Variants in ATR observed in about 807,000 individuals in gnomAD.
ATR encodes serine/threonine-protein kinase ATR.
In ATR, 142 loss-of-function variants were observed where a neutral mutation model predicts 305.3. The ratio of observed to expected loss-of-function variants is 0.47; its 90% confidence interval spans 0.41 to 0.53. The LOEUF is 0.53. Among genes scored for constraint, ATR ranks in the 20% least tolerant of loss-of-function variants. The pLI is 0.00. For missense variants in ATR, 2,135 were observed against 3,133.1 expected, an observed-to-expected ratio of 0.68 and a Z score of 7.60; for synonymous variants, 1,050 against 1,068.1, an observed-to-expected ratio of 0.98 and a Z score of 0.33.
intron 40 of ATR, among the ~76,000 whole-genome samples, chr3:142,466,051 GA>G (rs1324781138): frequency 1.3e-5 from 2 of 150,566 alleles, no homozygotes; most frequent in African/African-American, 2.4e-5. Context: ...ATCAAATTGT[GA>G]AAAAATAAAG....
chr3:142,522,622 T>C, intron 23 of ATR, 106 bp downstream of exon 23: 1 of 977,852 alleles, frequency 1.0e-6, no homozygotes, highest in Non-Finnish European at 1.6e-6. Flanking sequence ...ATAACTTTGA[T>C]AAAAGTGAGA....
In ATR at chr3:142,541,132, GTCA is replaced by G. The variant is rs1383324455; in HGVS notation, c.3451-101_3451-99del. On this transcript the variant is annotated intron_variant, in intron 17 of 46. Coordinates refer to ENST00000350721, the MANE Select transcript of ATR (RefSeq NM_001184.4). The stretch of plus-strand genomic sequence containing the variant: ...AGTGCTTCCCACCCAGTATCAGGGT[GTCA>G]TCTATTCTCAGATAATACAAAAGAT... The G allele has an allele frequency of 2.6e-5, 38 of 1,436,652 alleles. No individual in the cohort carries two copies. The African/African-American group carries it at 5.1e-4, about 19-fold the overall frequency. 89.0% of individuals were successfully genotyped at this position (1,436,652 alleles called of 1,614,324 possible). A position where few individuals can be genotyped will look rare whatever the true frequency, so the allele number is the denominator to read the frequency against.
chr3:142,466,553 A>G lies in ATR; in HGVS notation c.6688-20T>C, dbSNP rs1368909023. ...ATCAACCTGAAAAAATAAATAGTGC[A>G]TTTTAATTTGTTTTTACCTTAAATT... is the stretch of plus-strand genomic sequence containing the variant. On this transcript the variant is annotated intron_variant, in intron 39 of 46. Transcript: ENST00000350721. The G allele has an allele frequency of 1.9e-6, 3 of 1,597,776 alleles. No homozygotes were observed. Among genetic ancestry groups the G allele is most frequent in the Admixed American group, 1.7e-5 (1 of 59,136 alleles).
At chr3:142,520,510 T>C (rs1454393150) in intron 23 of ATR, among the ~76,000 whole-genome samples, 1 of 152,126 alleles carries the variant, frequency 6.6e-6, no homozygotes, top group African/African-American at 2.4e-5. Flanking sequence ...ATACATCAAA[T>C]ATAAGAAAGA....
At position 142,560,222 on chromosome 3, in the gene ATR, T is replaced by C. The variant is rs774685182; in HGVS notation, c.1541+41A>G. Reference sequence around the variant, plus strand: ...GAGTAAACAGTAAATCCAAGTTCATTACAGGAAACCCAACCCCAAGAAACA... The same window carrying C: ...GAGTAAACAGTAAATCCAAGTTCATCACAGGAAACCCAACCCCAAGAAACA... On this transcript the variant is annotated intron_variant, in intron 6 of 46. Transcript: ENST00000350721. 3.8e-6 allele frequency: 6 copies of C among 1,580,546 alleles called. No homozygotes were observed. The South Asian group carries it at 4.4e-5, about 12-fold the overall frequency.
chr3:142,553,765 A>G (rs778669801), intron 11 of ATR, 25 bp from the exon 12 acceptor site: 1 of 1,610,124 alleles, frequency 6.2e-7, no homozygotes, highest in Non-Finnish European at 8.5e-7. Flanking sequence ...TTAACTGGTT[A>G]AAGAAATTTT....
At chr3:142,575,891 C>T (rs2108508877) in intron 1 of ATR, among the ~76,000 whole-genome samples, 1 of 152,286 alleles carries the variant, frequency 6.6e-6, no homozygotes, top group South Asian at 2.1e-4. Context: ...TTATGTAGAA[C>T]CTTAGAGGCC....
Position 142,553,870 on chromosome 3 carries a change from C to T in ATR, c.2487G>A (p.Lys829=), listed in dbSNP as rs1387074605. Residue 829 remains lysine (K), a synonymous_variant, in exon 11 of 47, where the codon AAG becomes AAA. Transcript: ENST00000350721. ...CAGAGTCCAAGGATTCCAATATGTGCTTGATATTTCCACTAAAAGCCACTC... is the reference window on the plus strand; with the variant it reads ...CAGAGTCCAAGGATTCCAATATGTGTTTGATATTTCCACTAAAAGCCACTC... ...DVRVAFSGNI[K]HILESLDSED... 1.9e-6 allele frequency: 3 copies of T among 1,613,480 alleles called. No homozygotes were observed. The Admixed American group carries it at 5.0e-5, about 27-fold the overall frequency.
At chr3:142,461,045 T>A (rs576606336) in intron 42 of ATR, among the ~76,000 whole-genome samples, 29 of 152,322 alleles carry the variant, frequency 1.9e-4, no homozygotes, top group Non-Finnish European at 2.9e-4. Flanking sequence ...TTAGTTGTCA[T>A]CAAATGTCAA....
chr3:142,567,866 G>T (rs1469077880), intron 2 of ATR, among the ~76,000 whole-genome samples, 197 bp downstream of exon 2: 5 of 152,102 alleles, frequency 3.3e-5, no homozygotes, highest in Admixed American at 2.6e-4. Context: ...CAGGAAAAGA[G>T]AATTATTTTA....
chr3:142,459,189 T>C (rs1011313917), intron 43 of ATR, 38 bp downstream of exon 43: 1 of 1,613,258 alleles, frequency 6.2e-7, no homozygotes, highest in Non-Finnish European at 8.5e-7. Flanking sequence ...AAAATAAACA[T>C]TCAACCATAA....
rs398123602 is a variant in ATR, at chr3:142,513,633, T to A, written c.4509A>T (p.Arg1503=). 1.2e-6 allele frequency: 2 copies of A among 1,613,696 alleles called. No homozygotes were observed. The highest frequency in any genetic ancestry group is 3.3e-5 in the Admixed American group (2 of 60,018). ...TGAAAATTTTACTGGCAAGATCATG[T>A]CGAACCTGTAAATGCAAAATGTGTA... ...SWAGYLITKV[R]HDLASKIFTC... The change falls in exon 26 of 47, where the codon CGA becomes CGT. Residue 1503 remains arginine (R), a synonymous_variant. Transcript: ENST00000350721.
intron 46 of ATR, chr3:142,452,919 T>G: frequency 1.4e-6 from 2 of 1,403,258 alleles, no homozygotes; most frequent in South Asian, 1.5e-5. Context: ...GAACTTTTAT[T>G]ATACAAATGC....
intron 25 of ATR, 50 bp downstream of exon 25, chr3:142,515,345 G>A: frequency 6.2e-7 from 1 of 1,605,744 alleles, no homozygotes; most frequent in East Asian, 2.2e-5. Context: ...AGATGTTCTG[G>A]TTTCCTTTAG....
chr3:142,519,580 G>T (rs895282757), intron 24 of ATR, 89 bp downstream of exon 24: 3 of 1,047,926 alleles, frequency 2.9e-6, no homozygotes, highest in Non-Finnish European at 4.3e-6. Flanking sequence ...GATTACAGGC[G>T]TGAGCCACTG....
intron 30 of ATR, 100 bp from the exon 31 acceptor site, chr3:142,499,818 AT>A (rs1183392658): frequency 4.2e-6 from 4 of 942,244 alleles, no homozygotes; most frequent in Non-Finnish European, 6.6e-6. Context: ...TATTTATTGA[AT>A]TTGCATTATA....
chr3:142,495,915 A>G (rs1016477380), intron 34 of ATR, among the ~76,000 whole-genome samples: 1 of 152,062 alleles, frequency 6.6e-6, no homozygotes, highest in African/African-American at 2.4e-5. Context: ...TCAGAGCTGA[A>G]TATTTACAGT....
Position 142,454,437 on chromosome 3 carries a change from C to CTTTTTTTTTT in ATR, c.7656-1214_7656-1205dup, listed in dbSNP as rs760823609. ...TTCTACCATAATGTCTGATAGACAG[C>CTTTTTTTTTT]TTTTTTTTTTTTTTTTTTTTTTTGA... On this transcript the variant is annotated intron_variant, in intron 45 of 46. Coordinates refer to ENST00000350721, the MANE Select transcript of ATR (RefSeq NM_001184.4). Among the ~76,000 whole-genome samples, 873 of 101,464 alleles carry CTTTTTTTTTT rather than the reference C, an allele frequency of 8.6e-3. 52 individuals carry two copies. The highest frequency in any genetic ancestry group is 0.041 in the African/African-American group (831 of 20,110). 66.6% of individuals were successfully genotyped at this position (101,464 alleles called of 152,430 possible). A position where few individuals can be genotyped will look rare whatever the true frequency, so the allele number is the denominator to read the frequency against.
intron 46 of ATR, chr3:142,450,399 G>T (rs2070763095): frequency 1.9e-6 from 3 of 1,560,360 alleles, no homozygotes; most frequent in Non-Finnish European, 2.6e-6. Context: ...AAATGGGGCT[G>T]CTGTCTTCTT....
Sources: gnomAD v4.1 joint callset for allele counts (sites outside exome capture counted in the v4.1 genomes callset) on GRCh38, gnomAD v4.1.1 for gene constraint, MANE v1.5 for transcripts, NCBI Gene and HGNC (gene_info 2026-07-23, HGNC 2026-07-21) for gene names.